Variants in OPHN1 observed in about 807,000 individuals in gnomAD.
OPHN1 encodes oligophrenin 1, also known as oligophrenin-1.
In OPHN1, 11 loss-of-function variants were observed where a neutral mutation model predicts 60.7. That is an observed-to-expected ratio of 0.18 (90% confidence interval 0.11 to 0.30). OPHN1 has a LOEUF of 0.30. OPHN1 is among the 10% of genes least tolerant of loss of function. The probability of loss-of-function intolerance (pLI) is 1.00; values close to 1 mark genes in which losing one functional copy is unlikely to be tolerated. For missense variants in OPHN1, 449 were observed against 611.0 expected (o/e 0.73, Z 2.80); for synonymous variants, 226 against 222.6 (o/e 1.02, Z -0.14).
chrX:68,350,510 T>TTCCTCCTTTCCTCCCTTCCTTCCTC (rs2078404693), intron 2 of OPHN1, among the ~76,000 whole-genome samples: 1 of 80,403 alleles, frequency 1.2e-5, no homozygotes, highest in African/African-American at 4.8e-5. Flanking sequence ...TTTCCTTCCT[T>TTCCTCCTTTCCTCCCTTCCTTCCTC]CCTCCCTCCC....
intron 18 of OPHN1, among the ~76,000 whole-genome samples, chrX:68,100,993 G>A (rs963110908): frequency 8.2e-4 from 91 of 111,181 alleles, no homozygotes; most frequent in Middle Eastern, 9.4e-3. Flanking sequence ...TGATCCGCCC[G>A]CCTCGGCCTT....
At chrX:68,132,153 G>A (rs761765817) in intron 15 of OPHN1, among the ~76,000 whole-genome samples, 1 of 111,269 alleles carries the variant, frequency 9.0e-6, no homozygotes, top group South Asian at 3.8e-4. Flanking sequence ...TGAAATACGT[G>A]ATCTAGAACT....
At chrX:68,158,663 C>T (rs768823498) in intron 15 of OPHN1, among the ~76,000 whole-genome samples, 2 of 112,160 alleles carry the variant, frequency 1.8e-5, no homozygotes, top group Non-Finnish European at 3.8e-5. Flanking sequence ...TGCTCCCTCC[C>T]CCTTCCCCTG....
intron 2 of OPHN1, among the ~76,000 whole-genome samples, chrX:68,427,332 T>C: frequency 9.0e-6 from 1 of 110,995 alleles, no homozygotes; most frequent in Non-Finnish European, 1.9e-5. Flanking sequence ...TTAAATACTG[T>C]CATTTACACT....
chrX:68,085,886 A>G (rs116725948), intron 19 of OPHN1, among the ~76,000 whole-genome samples: 3,252 of 111,786 alleles, frequency 0.029, 122 homozygotes, highest in African/African-American at 0.1. Context: ...CTTTTACAAT[A>G]GCAGAAATAA....
At chrX:68,185,510 T>C (rs1364239089) in intron 15 of OPHN1, among the ~76,000 whole-genome samples, 2 of 111,440 alleles carry the variant, frequency 1.8e-5, no homozygotes, top group Non-Finnish European at 3.8e-5. Context: ...CTACATTTGA[T>C]ATAGGGAAGA....
chrX:68,342,815 C>A (rs1279289759), intron 2 of OPHN1, among the ~76,000 whole-genome samples: 1 of 111,022 alleles, frequency 9.0e-6, no homozygotes, highest in African/African-American at 3.3e-5. Flanking sequence ...GTGGCACAAA[C>A]CTGTAGTCCC....
chrX:68,192,364 T>C (rs1719033342), intron 15 of OPHN1, among the ~76,000 whole-genome samples: 1 of 108,513 alleles, frequency 9.2e-6, no homozygotes, highest in African/African-American at 3.4e-5. Flanking sequence ...CCTGGTGTAG[T>C]GGCACACGCC....
chrX:68,151,196 A>G (rs1298313336), intron 15 of OPHN1, among the ~76,000 whole-genome samples: 1 of 112,277 alleles, frequency 8.9e-6, no homozygotes, highest in Non-Finnish European at 1.9e-5. Flanking sequence ...CCCGCCATAT[A>G]GTTTTTATCA....
At chrX:68,123,869 G>A (rs144303954) in intron 15 of OPHN1, among the ~76,000 whole-genome samples, 3,608 of 109,994 alleles carry the variant, frequency 0.033, 62 homozygotes, top group Middle Eastern at 0.062. Context: ...AAAATGGGAC[G>A]GAGTAAATCA....
chrX:68,078,278 CAAG>C (rs2076960934), intron 19 of OPHN1, among the ~76,000 whole-genome samples: 1 of 111,066 alleles, frequency 9.0e-6, no homozygotes, highest in South Asian at 3.8e-4. Context: ...GTCCCCACAA[CAAG>C]AATTATTGGC....
chrX:68,262,712 G>A (rs773275694), intron 5 of OPHN1, among the ~76,000 whole-genome samples: 5 of 111,983 alleles, frequency 4.5e-5, no homozygotes, highest in African/African-American at 6.5e-5. Flanking sequence ...GCTTGAACCC[G>A]GGAGGCGGAG....
intron 2 of OPHN1, among the ~76,000 whole-genome samples, chrX:68,299,309 A>G (rs185968297): frequency 8.9e-6 from 1 of 112,108 alleles, no homozygotes; most frequent in East Asian, 2.8e-4. Context: ...GCATCTCAGT[A>G]AAGTCCTTAA....
Position 68,279,061 on chromosome X carries a change from AG to A in OPHN1, c.312+3994del, listed in dbSNP as rs1190124063. Among the ~76,000 whole-genome samples the A allele has an allele frequency of 2.9e-5, 3 of 101,837 alleles. No homozygotes were observed. In the Admixed American group the frequency reaches 3.2e-4, roughly 11 times the overall value. The allele number at this position is 101,837 out of a possible 115,157, so 88.4% of individuals were successfully genotyped here. A position where few individuals can be genotyped will look rare whatever the true frequency, so the allele number is the denominator to read the frequency against. ...TCTAGGCAAGCTTCATAATCATATA[AG>A]AAGTGTGCAATTCAGACTTTTCAAG... On this transcript the variant is annotated intron_variant, in intron 4 of 24. Coordinates refer to ENST00000355520, the MANE Select transcript of OPHN1 (RefSeq NM_002547.3).
chrX:68,207,093 G>A (rs913123653), intron 9 of OPHN1, among the ~76,000 whole-genome samples: 6 of 108,909 alleles, frequency 5.5e-5, no homozygotes, highest in Admixed American at 9.9e-5. Context: ...TTTTAACACC[G>A]AATTAGTTAA....
intron 23 of OPHN1, among the ~76,000 whole-genome samples, chrX:68,050,278 T>A (rs2076846823): frequency 8.9e-6 from 1 of 111,765 alleles, no homozygotes. Context: ...AGAGCAAGTG[T>A]ACCTACTTTG....
intron 2 of OPHN1, among the ~76,000 whole-genome samples, chrX:68,342,411 A>C (rs1353037206): frequency 8.9e-6 from 1 of 112,095 alleles, no homozygotes; most frequent in Non-Finnish European, 1.9e-5. Context: ...AAAAGGGAAA[A>C]TAGGTAGGTA....
At chrX:68,129,692 A>G (rs2077186194) in intron 15 of OPHN1, among the ~76,000 whole-genome samples, 1 of 112,302 alleles carries the variant, frequency 8.9e-6, no homozygotes, top group Non-Finnish European at 1.9e-5. Flanking sequence ...CCTAAAGTAC[A>G]CAGATCATGT....
At chrX:68,122,061 G>A in intron 15 of OPHN1, among the ~76,000 whole-genome samples, 1 of 110,759 alleles carries the variant, frequency 9.0e-6, no homozygotes, top group Non-Finnish European at 1.9e-5. Flanking sequence ...GAAACTTTGT[G>A]GGCTTCAGGT....
Sources: allele counts gnomAD v4.1 joint callset (sites outside exome capture counted in the v4.1 genomes callset), GRCh38; gene constraint gnomAD v4.1.1; transcripts MANE v1.5; gene names NCBI Gene and HGNC (gene_info 2026-07-23, HGNC 2026-07-21).